The following RFPL1 variants were observed in gnomAD, a reference collection of about 807,000 sequenced individuals.
RFPL1 encodes ret finger protein like 1, also known as ret finger protein-like 1.
RFPL1 carries 6 observed loss-of-function variants against 9.6 expected under a neutral mutation model. The observed-to-expected ratio is 0.62, with a 90% CI of 0.34 to 1.23. RFPL1 has a LOEUF of 1.23. RFPL1 is among the 50% of genes most tolerant of loss of function. The pLI, the probability that RFPL1 is intolerant of heterozygous loss-of-function variation, is 0.03. For missense variants in RFPL1, 352 were observed against 398.4 expected, an observed-to-expected ratio of 0.88 and a Z score of 0.99; for synonymous variants, 145 against 149.4, an observed-to-expected ratio of 0.97 and a Z score of 0.22.
At chr22:29,410,763 C>T in the RFPL1 span, among the ~76,000 whole-genome samples, 4 of 150,936 alleles carry the variant, frequency 2.7e-5, no homozygotes, top group South Asian at 2.1e-4. Context: ...AGGACTTCTC[C>T]GGCTTCCGCA....
chr22:29,430,644 T>C, the RFPL1 span, among the ~76,000 whole-genome samples: 1 of 152,152 alleles, frequency 6.6e-6, no homozygotes, highest in Non-Finnish European at 1.5e-5. Flanking sequence ...AAAAAGTCCC[T>C]TTAAATAAAT....
At chr22:29,398,585 T>C in the RFPL1 span, among the ~76,000 whole-genome samples, 6 of 152,210 alleles carry the variant, frequency 3.9e-5, no homozygotes, top group African/African-American at 1.4e-4. Context: ...TCTAGCCGTG[T>C]GACCCTGAGC....
At chr22:29,407,450 G>A in the RFPL1 span, among the ~76,000 whole-genome samples, 7 of 151,458 alleles carry the variant, frequency 4.6e-5, no homozygotes, top group Non-Finnish European at 8.8e-5. Flanking sequence ...AAATACTTAG[G>A]ATTATGATTA....
chr22:29,397,084 T>C, the RFPL1 span, among the ~76,000 whole-genome samples: 1 of 147,974 alleles, frequency 6.8e-6, no homozygotes, highest in East Asian at 2.0e-4. Flanking sequence ...ATTTTTTTTG[T>C]ATTTTTAGTA....
At chr22:29,407,560 ATTAATCATTGAT>A in the RFPL1 span, among the ~76,000 whole-genome samples, 1 of 151,598 alleles carries the variant, frequency 6.6e-6, no homozygotes, top group Non-Finnish European at 1.5e-5. Flanking sequence ...TTGAAAAGAT[ATTAATCATTGAT>A]TTAATTTCTA....
the RFPL1 span, among the ~76,000 whole-genome samples, chr22:29,405,525 C>T: frequency 6.6e-6 from 1 of 152,164 alleles, no homozygotes; most frequent in Admixed American, 6.5e-5. Flanking sequence ...CCACCTGCCA[C>T]CTCTCCAGGG....
At chr22:29,415,475 A>C in the RFPL1 span, among the ~76,000 whole-genome samples, 2 of 152,314 alleles carry the variant, frequency 1.3e-5, no homozygotes, top group East Asian at 3.9e-4. Context: ...GCAAATGCCT[A>C]CCCAGGAGCA....
At chr22:29,397,493 C>T in the RFPL1 span, among the ~76,000 whole-genome samples, 3 of 152,138 alleles carry the variant, frequency 2.0e-5, no homozygotes, top group Admixed American at 6.5e-5. Flanking sequence ...AGACTTTTCC[C>T]AAGCCAGTGC....
the RFPL1 span, among the ~76,000 whole-genome samples, chr22:29,424,223 G>A: frequency 1.3e-4 from 20 of 152,056 alleles, no homozygotes; most frequent in African/African-American, 3.9e-4. Flanking sequence ...GTGAAGCTCC[G>A]CCATTCATTC....
the RFPL1 span, among the ~76,000 whole-genome samples, chr22:29,394,188 G>T: frequency 1.3e-5 from 2 of 152,164 alleles, no homozygotes; most frequent in East Asian, 3.8e-4. Context: ...AGACAGGGCT[G>T]TCCAGTTCTT....
At chr22:29,399,892 A>G in the RFPL1 span, among the ~76,000 whole-genome samples, 2 of 151,650 alleles carry the variant, frequency 1.3e-5, no homozygotes, top group Non-Finnish European at 2.9e-5. Flanking sequence ...GCACCTATTC[A>G]TATTTGAGCC....
the RFPL1 span, among the ~76,000 whole-genome samples, chr22:29,426,514 G>A: frequency 6.6e-6 from 1 of 152,128 alleles, no homozygotes; most frequent in African/African-American, 2.4e-5. Flanking sequence ...TACTTTGGGA[G>A]GCCGAGGTGG....
the RFPL1 span, among the ~76,000 whole-genome samples, chr22:29,398,931 C>T: frequency 6.6e-6 from 1 of 152,118 alleles, no homozygotes; most frequent in Non-Finnish European, 1.5e-5. Context: ...CAGGGATGGG[C>T]CACACTGTCT....
the RFPL1 span, among the ~76,000 whole-genome samples, chr22:29,425,742 G>A: frequency 6.6e-6 from 1 of 152,076 alleles, no homozygotes; most frequent in African/African-American, 2.4e-5. Flanking sequence ...CGCGGTGGGT[G>A]GATCACCTGA....
chr22:29,410,465 T>TAG, the RFPL1 span, among the ~76,000 whole-genome samples: 18 of 106,782 alleles, frequency 1.7e-4, no homozygotes, highest in East Asian at 5.0e-4. Flanking sequence ...TATATATATC[T>TAG]ATATATAGAT....
At chr22:29,431,601 G>T in the RFPL1 span, among the ~76,000 whole-genome samples, 17 of 152,108 alleles carry the variant, frequency 1.1e-4, no homozygotes, top group African/African-American at 3.6e-4. Flanking sequence ...CATATGCAAT[G>T]ATAAGTTTTC....
chr22:29,424,824 G>C, the RFPL1 span, among the ~76,000 whole-genome samples: 1 of 90,168 alleles, frequency 1.1e-5, no homozygotes, highest in Non-Finnish European at 2.3e-5. Context: ...CTGTCTCCCT[G>C]TCCCTCCCAC....
the RFPL1 span, among the ~76,000 whole-genome samples, chr22:29,409,184 A>G: frequency 1.3e-5 from 2 of 152,190 alleles, no homozygotes; most frequent in East Asian, 1.9e-4. Context: ...CATTGTTACA[A>G]TCTCATCTTA....
chr22:29,405,298 G>T, the RFPL1 span, among the ~76,000 whole-genome samples: 1 of 152,178 alleles, frequency 6.6e-6, no homozygotes, highest in African/African-American at 2.4e-5. Flanking sequence ...TCCATGGTAT[G>T]CTGTGTGTCC....
Sources: gnomAD v4.1 joint callset for allele counts (sites outside exome capture counted in the v4.1 genomes callset) on GRCh38, gnomAD v4.1.1 for gene constraint, MANE v1.5 for transcripts, NCBI Gene and HGNC (gene_info 2026-07-23, HGNC 2026-07-21) for gene names.